GSPT1: variants seen among roughly 807,000 people sequenced by gnomAD.
GSPT1 encodes G1 to S phase transition 1.
In GSPT1, 20 loss-of-function variants were observed where a neutral mutation model predicts 72.5. The observed-to-expected ratio is 0.28, with a 90% confidence interval of 0.19 to 0.40. The LOEUF is 0.40. GSPT1 is among the 10% of genes least tolerant of loss of function. GSPT1 has a pLI of 1.00. For missense variants in GSPT1, 580 were observed against 811.9 expected, an observed-to-expected ratio of 0.71 and a Z score of 3.47; for synonymous variants, 334 against 293.5, an observed-to-expected ratio of 1.14 and a Z score of -1.41.
rs1482064223 is a variant in GSPT1 at position 11,915,457 on chromosome 16, G to A, written c.264C>T (p.Ser88=). ...PNVHAAEFVP[S]FLRGPAAPPP... ...GCGGCGCTGCCGGGCCCCGCAGGAA[G>A]GACGGCACGAACTCGGCGGCGTGGA... is the stretch of plus-strand genomic sequence containing the variant. The change falls in exon 1 of 15, where the codon TCC becomes TCT. Residue 88 remains serine, a synonymous_variant. Transcript: ENST00000434724. 6.5e-7 allele frequency: 1 copy of A among 1,546,352 alleles called. No individual in the cohort carries two copies. Among genetic ancestry groups the A allele is most frequent in the Non-Finnish European group, 8.7e-7 (1 of 1,148,798 alleles).
At chr16:11,896,302 T>C (rs1242196331) in intron 4 of GSPT1, among the ~76,000 whole-genome samples, 3 of 152,238 alleles carry the variant, frequency 2.0e-5, no homozygotes, top group Non-Finnish European at 2.9e-5. Context: ...CAATGGTCAA[T>C]AGACTAATTA....
intron 1 of GSPT1, among the ~76,000 whole-genome samples, chr16:11,905,140 GA>G (rs779815790): frequency 1.1e-4 from 17 of 152,152 alleles, no homozygotes; most frequent in Non-Finnish European, 1.8e-4. Context: ...GTTCATTAAA[GA>G]AAAATACAAC....
chr16:11,895,212 C>T (rs2054319027), intron 4 of GSPT1: 4 of 387,770 alleles, frequency 1.0e-5, no homozygotes, highest in Admixed American at 7.6e-5. Flanking sequence ...GGGCGGATGA[C>T]CTCAGGTCAG....
chr16:11,894,473 TC>T (rs999501056), intron 5 of GSPT1, among the ~76,000 whole-genome samples: 19 of 152,142 alleles, frequency 1.2e-4, no homozygotes, highest in African/African-American at 4.6e-4. Context: ...AAAAAACAGT[TC>T]CCCCATTCAC....
At chr16:11,911,404 T>A (rs1224735373) in intron 1 of GSPT1, among the ~76,000 whole-genome samples, 2 of 152,160 alleles carry the variant, frequency 1.3e-5, no homozygotes, top group Non-Finnish European at 2.9e-5. Flanking sequence ...ACTTTTCTTT[T>A]TGGACAGTGT....
At chr16:11,904,088 T>C (rs878991887) in intron 1 of GSPT1, 2 of 231,252 alleles carry the variant, frequency 8.6e-6, no homozygotes, top group African/African-American at 2.3e-5. Flanking sequence ...TCGCAGACGC[T>C]TGGCCAGAAG....
intron 14 of GSPT1, among the ~76,000 whole-genome samples, chr16:11,875,053 G>T (rs980487233): frequency 6.6e-6 from 1 of 152,158 alleles, no homozygotes; most frequent in Non-Finnish European, 1.5e-5. Context: ...AGCCAGGCAT[G>T]GTGGCAGCAC....
At chr16:11,891,368 A>ATT (rs199882055) in intron 5 of GSPT1, among the ~76,000 whole-genome samples, 126 of 144,290 alleles carry the variant, frequency 8.7e-4, no homozygotes, top group African/African-American at 2.7e-3. Flanking sequence ...ATATATATAT[A>ATT]TTTTTTTTTT....
chr16:11,900,306 T>C (rs1442809571), intron 1 of GSPT1, among the ~76,000 whole-genome samples: 1 of 147,410 alleles, frequency 6.8e-6, no homozygotes, highest in East Asian at 2.0e-4. Flanking sequence ...GCACTCCAGC[T>C]TGGACAAGAA....
chr16:11,876,824 T>C (rs2054054516), intron 12 of GSPT1, among the ~76,000 whole-genome samples: 1 of 152,208 alleles, frequency 6.6e-6, no homozygotes. Flanking sequence ...AGCTAATTTT[T>C]ACCGCTCAGA....
chr16:11,913,984 C>A (rs1205014636), intron 1 of GSPT1, among the ~76,000 whole-genome samples: 1 of 152,104 alleles, frequency 6.6e-6, no homozygotes, highest in Non-Finnish European at 1.5e-5. Flanking sequence ...AAAGAGCAAA[C>A]GGTGACAAAA....
chr16:11,914,916 T>A (rs893404616), intron 1 of GSPT1: 5 of 880,334 alleles, frequency 5.7e-6, no homozygotes, highest in African/African-American at 1.7e-5. Context: ...AGACGCTCTC[T>A]CGGCTGGGCC....
Position 11,915,678 on chromosome 16 carries a change from C to T in GSPT1, c.43G>A (p.Gly15Ser), listed in dbSNP as rs1246828002. The T allele has an allele frequency of 5.4e-6, 7 of 1,294,722 alleles. No homozygotes were observed. The highest frequency in any genetic ancestry group is 6.2e-6 in the Non-Finnish European group (6 of 965,868). The allele number at this position is 1,294,722 out of a possible 1,614,324, so 80.2% of individuals were successfully genotyped here. ...CTGCTGCTGCCGCTGCTGCTCCCGCCGCCGCCGCCGCCGCCGCCGCCGCCG... is the reference window on the plus strand; with the variant it reads ...CTGCTGCTGCCGCTGCTGCTCCCGCTGCCGCCGCCGCCGCCGCCGCCGCCG... ...SGGGGGGGGG[G>S]GSSSGSSSSD... Residue 15 changes from glycine to serine, a missense_variant, in exon 1 of 15, where the codon GGC (glycine) becomes AGC (serine). Around this residue, in one of 6 missense-constraint regions of GSPT1, gnomAD observed 327 missense variants for 298.8 expected, o/e 1.09. Transcript: ENST00000434724.
intron 4 of GSPT1, among the ~76,000 whole-genome samples, chr16:11,896,327 T>C (rs985624063): frequency 6.6e-6 from 1 of 152,222 alleles, no homozygotes; most frequent in Admixed American, 6.5e-5. Flanking sequence ...TTACGTACAA[T>C]ATACTGAAGT....
chr16:11,894,155 C>CAAAAAAAAAAAAAAAAAAAAAAAAA (rs57226427), intron 5 of GSPT1, among the ~76,000 whole-genome samples: 1 of 42,662 alleles, frequency 2.3e-5, no homozygotes, highest in African/African-American at 8.8e-5. Flanking sequence ...GACCCTATCT[C>CAAAAAAAAAAAAAAAAAAAAAAAAA]AAAAAAAAAA....
rs2054187717 is a variant in GSPT1, at chr16:11,886,453, G to GA, written c.1253+17dup. On this transcript the variant is annotated intron_variant, in intron 9 of 14. Coordinates refer to ENST00000434724, the MANE Select transcript of GSPT1 (RefSeq NM_002094.4). ...ACATCCTTTTCCTTTTTAAAAAAAGGAAAAAACAGTTACTTACATGTACCA... is the reference window on the plus strand; with the variant it reads ...ACATCCTTTTCCTTTTTAAAAAAAGGAAAAAAACAGTTACTTACATGTACCA... The GA allele has an allele frequency of 2.5e-6, 4 of 1,578,124 alleles. No individual in the cohort carries two copies. Among genetic ancestry groups the GA allele is most frequent in the Non-Finnish European group, 3.5e-6 (4 of 1,159,306 alleles).
chr16:11,898,023 G>A lies in GSPT1; in HGVS notation c.365C>T (p.Ser122Phe), dbSNP rs753877219. ...GAGGRAAPVESSQEEQSLCEG... is the reference protein window; with the variant it reads ...GAGGRAAPVEFSQEEQSLCEG... ...ACACAATGACTGTTCCTCTTGAGAG[G>A]ATTCCACAGGTGCTGTTTAACAGAA... is the stretch of plus-strand genomic sequence containing the variant. Residue 122 changes from serine (S) to phenylalanine (F), a missense_variant, in exon 2 of 15, where the codon TCC becomes TTC. Physicochemically the swap from Ser to Phe is radical, Grantham distance 155. Transcript: ENST00000434724. 1.3e-4 allele frequency: 200 copies of A among 1,545,502 alleles called. 1 individual carries two copies. The Admixed American group carries it at 3.9e-3, about 30-fold the overall frequency.
chr16:11,882,823 C>G (rs2054137877), intron 11 of GSPT1, among the ~76,000 whole-genome samples, 192 bp downstream of exon 11: 1 of 151,866 alleles, frequency 6.6e-6, no homozygotes, highest in Non-Finnish European at 1.5e-5. Flanking sequence ...ATTAGCCAGG[C>G]AGAGTGGCAC....
intron 6 of GSPT1, among the ~76,000 whole-genome samples, chr16:11,887,987 C>T (rs1236546612): frequency 6.6e-6 from 1 of 151,724 alleles, no homozygotes; most frequent in Non-Finnish European, 1.5e-5. Context: ...CATGGTGAAG[C>T]CCTGTCTCTA....
Sources: allele counts gnomAD v4.1 joint callset (sites outside exome capture counted in the v4.1 genomes callset), GRCh38; gene constraint gnomAD v4.1.1; regional missense constraint gnomAD v4.1.1; transcripts MANE v1.5; gene names NCBI Gene and HGNC (gene_info 2026-07-23, HGNC 2026-07-21).